Variants in ZNF609 observed in about 807,000 individuals in gnomAD.
ZNF609 encodes the protein zinc finger protein 609.
In ZNF609, 11 loss-of-function variants were observed where a neutral mutation model predicts 109.5. The observed-to-expected ratio is 0.10, with a 90% CI of 0.06 to 0.17. The LOEUF is 0.17. Ranked by LOEUF, ZNF609 falls within the 10% of genes least tolerant of loss-of-function variation. The pLI is 1.00. For missense variants in ZNF609, 1,559 were observed against 1,772.4 expected, an observed-to-expected ratio of 0.88 and a Z score of 2.16; for synonymous variants, 646 against 662.0, an observed-to-expected ratio of 0.98 and a Z score of 0.37.
At chr15:64,562,463 C>T (rs191851075) in intron 2 of ZNF609, among the ~76,000 whole-genome samples, 4 of 152,306 alleles carry the variant, frequency 2.6e-5, no homozygotes, top group African/African-American at 9.6e-5. Flanking sequence ...CAAAGCTGGT[C>T]ATCCTACCAC....
chr15:64,594,030 A>G (rs1895347232), intron 2 of ZNF609, among the ~76,000 whole-genome samples: 1 of 152,208 alleles, frequency 6.6e-6, no homozygotes, highest in Non-Finnish European at 1.5e-5. Context: ...ATGAACACAC[A>G]TATTAAGGAA....
chr15:64,569,856 T>G (rs570430186), intron 2 of ZNF609, among the ~76,000 whole-genome samples: 84 of 152,284 alleles, frequency 5.5e-4, no homozygotes, highest in African/African-American at 1.9e-3. Flanking sequence ...TAGTGTCTTT[T>G]CTGAGTTAAA....
intron 2 of ZNF609, among the ~76,000 whole-genome samples, chr15:64,600,211 G>T (rs1045601917): frequency 6.6e-6 from 1 of 150,544 alleles, no homozygotes; most frequent in Admixed American, 6.6e-5. Context: ...AGCACTTTGG[G>T]AGGCCAAGGC....
intron 3 of ZNF609, among the ~76,000 whole-genome samples, chr15:64,630,117 A>ATTTTTTT (rs1896044868): frequency 1.1e-5 from 1 of 91,658 alleles, no homozygotes; most frequent in Non-Finnish European, 2.0e-5. Context: ...TTTTTTTTTG[A>ATTTTTTT]GACAAAGTCT....
intron 2 of ZNF609, among the ~76,000 whole-genome samples, chr15:64,588,651 C>T (rs1162529389): frequency 2.9e-5 from 4 of 135,812 alleles, no homozygotes; most frequent in African/African-American, 5.4e-5. Flanking sequence ...GGTCTGTAGT[C>T]TTTTTTTTTT....
chr15:64,671,333 G>A (rs1896728126), intron 4 of ZNF609: 1 of 151,856 alleles, frequency 6.6e-6, no homozygotes, highest in African/African-American at 2.4e-5. Context: ...CCCTGCACAA[G>A]GGTGACATGC....
intron 1 of ZNF609, among the ~76,000 whole-genome samples, chr15:64,479,337 G>A (rs920570199): frequency 1.7e-5 from 2 of 120,162 alleles, no homozygotes; most frequent in Non-Finnish European, 3.2e-5. Flanking sequence ...TGTTGCCCAG[G>A]CTGGAGTGCA....
At chr15:64,579,415 A>G (rs1895056786) in intron 2 of ZNF609, among the ~76,000 whole-genome samples, 1 of 151,520 alleles carries the variant, frequency 6.6e-6, no homozygotes, top group Non-Finnish European at 1.5e-5. Context: ...GTCTCAAAAA[A>G]AAAAAAAAAA....
At chr15:64,658,054 C>T (rs575432565) in intron 3 of ZNF609, among the ~76,000 whole-genome samples, 5 of 152,314 alleles carry the variant, frequency 3.3e-5, no homozygotes, top group African/African-American at 1.2e-4. Flanking sequence ...CCCCAGCTTT[C>T]TGTCTCCCAG....
intron 2 of ZNF609, among the ~76,000 whole-genome samples, chr15:64,513,108 A>G (rs934164276): frequency 6.6e-6 from 1 of 152,172 alleles, no homozygotes; most frequent in Non-Finnish European, 1.5e-5. Flanking sequence ...CTATCTTCTC[A>G]GAAGTTATAT....
intron 2 of ZNF609, among the ~76,000 whole-genome samples, chr15:64,573,346 CTTTTTTTT>C (rs71133442): frequency 1.9e-4 from 14 of 72,978 alleles, no homozygotes; most frequent in South Asian, 5.5e-4. Context: ...GCCCAACTTT[CTTTTTTTT>C]TTTTTTTTTT....
rs184948530 is a variant in ZNF609 at position 64,504,919 on chromosome 15, A to C, written c.747+4753A>C. 4.1e-3 allele frequency among the ~76,000 whole-genome samples: 630 copies of C among 152,210 alleles called. 3 individuals are homozygous for C. The highest frequency in any genetic ancestry group is 0.029 in the South Asian group (140 of 4,828). On this transcript the variant is annotated intron_variant, in intron 2 of 9. Coordinates refer to ENST00000326648, the MANE Select transcript of ZNF609 (RefSeq NM_015042.2). Reference sequence around the variant, plus strand: ...TTATGCACTTCTGCCTTGGCCTCGCAAGTAGCTGGGACTACAAGTGTGTGC... The same window carrying C: ...TTATGCACTTCTGCCTTGGCCTCGCCAGTAGCTGGGACTACAAGTGTGTGC...
chr15:64,607,490 A>T (rs947073812), intron 2 of ZNF609, among the ~76,000 whole-genome samples: 4 of 151,052 alleles, frequency 2.6e-5, no homozygotes, highest in Non-Finnish European at 2.9e-5. Flanking sequence ...ATTTTAACTA[A>T]CTTAAGGCAT....
intron 3 of ZNF609, among the ~76,000 whole-genome samples, chr15:64,659,835 C>CTTTT (rs755818323): frequency 1.3e-4 from 18 of 137,192 alleles, no homozygotes; most frequent in South Asian, 2.3e-4. Flanking sequence ...TTCTTTCTTT[C>CTTTT]TTTTTTTTTT....
intron 2 of ZNF609, among the ~76,000 whole-genome samples, chr15:64,564,983 G>T (rs1034176890): frequency 2.0e-5 from 3 of 151,496 alleles, no homozygotes; most frequent in African/African-American, 7.3e-5. Flanking sequence ...TAGTAGCTGG[G>T]ACTACAGGTG....
intron 1 of ZNF609, among the ~76,000 whole-genome samples, chr15:64,476,449 G>A (rs759673156): frequency 1.8e-4 from 27 of 152,262 alleles, no homozygotes; most frequent in Non-Finnish European, 2.2e-4. Context: ...GGAGAGGTGG[G>A]AGGGGTTGCA....
intron 3 of ZNF609, among the ~76,000 whole-genome samples, chr15:64,648,987 C>T (rs1318395698): frequency 6.6e-6 from 1 of 151,836 alleles, no homozygotes; most frequent in Non-Finnish European, 1.5e-5. Flanking sequence ...ATACTTACTG[C>T]AAAGTATACA....
Position 64,683,076 on chromosome 15 carries a change from A to G in ZNF609, c.*1390A>G, listed in dbSNP as rs2083220045. Reference sequence around the variant, plus strand: ...GAAGCTTTATACTCTTTGTACTGGGAAAGTGAGGATGATTTGGTAGCTTTA... The same window carrying G: ...GAAGCTTTATACTCTTTGTACTGGGGAAGTGAGGATGATTTGGTAGCTTTA... On this transcript the variant is annotated 3_prime_UTR_variant, in exon 10 of 10. Transcript: ENST00000326648. The G allele has an allele frequency of 6.6e-6, 1 of 152,580 alleles. No individual in the cohort carries two copies. The highest frequency in any genetic ancestry group is 2.1e-4 in the South Asian group (1 of 4,830). The allele number at this position is 152,580 out of a possible 1,614,324, so 9.5% of individuals were successfully genotyped here.
At chr15:64,618,951 A>G (rs1257242485) in intron 2 of ZNF609, among the ~76,000 whole-genome samples, 1 of 152,094 alleles carries the variant, frequency 6.6e-6, no homozygotes. Context: ...AAAAATGCCT[A>G]TCTACCTAGG....
Sources: gnomAD v4.1 joint callset for allele counts (sites outside exome capture counted in the v4.1 genomes callset) on GRCh38, gnomAD v4.1.1 for gene constraint, MANE v1.5 for transcripts, NCBI Gene and HGNC (gene_info 2026-07-23, HGNC 2026-07-21) for gene names.